ZMYM4: variants seen among roughly 807,000 people sequenced by gnomAD.
ZMYM4 encodes zinc finger MYM-type protein 4.
In ZMYM4, 31 loss-of-function variants were observed where a neutral mutation model predicts 183.2. That is an observed-to-expected ratio of 0.17 (90% CI 0.13 to 0.23). The LOEUF (loss-of-function observed/expected upper bound fraction) is 0.23. Ranked by LOEUF, ZMYM4 falls within the 10% of genes least tolerant of loss-of-function variation. ZMYM4 has a pLI of 1.00. For synonymous variants in ZMYM4, 592 were observed against 631.2 expected (o/e 0.94, Z 0.93); for missense variants, 1,273 against 1,840.3 (o/e 0.69, Z 5.64).
intron 7 of ZMYM4, among the ~76,000 whole-genome samples, chr1:35,377,233 G>A (rs559731205): frequency 6.6e-6 from 1 of 152,188 alleles, no homozygotes; most frequent in Admixed American, 6.5e-5. Context: ...TTTGACTAAG[G>A]GTTTCGTTAA....
At chr1:35,386,295 A>G (rs1334636024) in intron 11 of ZMYM4, 106 bp downstream of exon 11, 6 of 761,314 alleles carry the variant, frequency 7.9e-6, no homozygotes, top group Non-Finnish European at 1.2e-5. Flanking sequence ...TAATTTATAA[A>G]GAAAGAGGTT....
chr1:35,296,849 T>TTTTTC lies in ZMYM4; in HGVS notation c.39+27768_39+27769insCTTTT, dbSNP rs1557939802. On this transcript the variant is annotated intron_variant, in intron 1 of 29. Transcript: ENST00000314607. ...TCTTTTTCTTTCTTTCTTTCTTTTT[T>TTTTTC]TTTTTTTTTTTTTTTTGAGATGGGA... Among the ~76,000 whole-genome samples the TTTTTC allele has an allele frequency of 7.4e-3, 1,048 of 142,176 alleles. 19 individuals carry two copies. The highest frequency in any genetic ancestry group is 0.026 in the African/African-American group (1,006 of 38,090). 93.3% of individuals were successfully genotyped at this position (142,176 alleles called of 152,430 possible).
intron 1 of ZMYM4, among the ~76,000 whole-genome samples, chr1:35,275,074 T>G (rs1639803774): frequency 6.6e-6 from 1 of 152,234 alleles, no homozygotes; most frequent in Non-Finnish European, 1.5e-5. Context: ...TTAGGAATCA[T>G]TAAGTTAACT....
Position 35,397,231 on chromosome 1 carries a change from C to T in ZMYM4, c.3031-146C>T, listed in dbSNP as rs535903401. 27 of 1,095,948 alleles carry T rather than the reference C, an allele frequency of 2.5e-5. No individual in the cohort carries two copies. The East Asian group carries it at 7.2e-4, about 29-fold the overall frequency. 67.9% of individuals were successfully genotyped at this position (1,095,948 alleles called of 1,614,324 possible). On this transcript the variant is annotated intron_variant, in intron 19 of 29. Transcript: ENST00000314607. ...TTAAATGGCTCTAGTCTTATAAAAA[C>T]AAACTAGCAAGACTATTTTAATCAT...
intron 2 of ZMYM4, among the ~76,000 whole-genome samples, chr1:35,338,273 G>A (rs1353605537): frequency 6.6e-6 from 1 of 152,218 alleles, no homozygotes; most frequent in Non-Finnish European, 1.5e-5. Flanking sequence ...CTTTTGTGCA[G>A]TTGATCCTTG....
At chr1:35,334,014 A>C (rs1642867905) in intron 2 of ZMYM4, among the ~76,000 whole-genome samples, 2 of 151,698 alleles carry the variant, frequency 1.3e-5, no homozygotes, top group African/African-American at 4.9e-5. Context: ...GTTAGATTCC[A>C]AAGAGTAAGG....
chr1:35,408,241 T>G, intron 26 of ZMYM4, 82 bp downstream of exon 26: 1 of 1,511,972 alleles, frequency 6.6e-7, no homozygotes, highest in Non-Finnish European at 9.1e-7. Context: ...CATGCACATG[T>G]ACACACCCAG....
intron 28 of ZMYM4, 62 bp from the exon 29 acceptor site, chr1:35,418,381 C>T (rs1167646388): frequency 2.5e-6 from 4 of 1,570,908 alleles, no homozygotes; most frequent in Non-Finnish European, 3.5e-6. Context: ...TCATTGGTGT[C>T]TTGAGACTCA....
intron 2 of ZMYM4, among the ~76,000 whole-genome samples, chr1:35,341,015 T>C (rs574286102): frequency 6.6e-5 from 10 of 152,324 alleles, no homozygotes; most frequent in African/African-American, 2.2e-4. Flanking sequence ...CACTGAGATA[T>C]ATTTAAAGTT....
chr1:35,334,773 A>T (rs1308533511), intron 2 of ZMYM4, among the ~76,000 whole-genome samples: 1 of 152,096 alleles, frequency 6.6e-6, no homozygotes, highest in East Asian at 1.9e-4. Context: ...AGTTCTTTTG[A>T]TGGGGGCAGG....
chr1:35,396,503 C>T, intron 18 of ZMYM4, 49 bp from the exon 19 acceptor site: 1 of 1,600,050 alleles, frequency 6.2e-7, no homozygotes, highest in South Asian at 1.1e-5. Flanking sequence ...CTTATGAAAG[C>T]ATTTCTAACC....
intron 26 of ZMYM4, among the ~76,000 whole-genome samples, chr1:35,412,310 C>A (rs547198760): frequency 6.6e-6 from 1 of 152,186 alleles, no homozygotes; most frequent in East Asian, 1.9e-4. Context: ...TCTGTGTATT[C>A]TCTAAGATTT....
At chr1:35,289,103 G>A (rs1021551612) in intron 1 of ZMYM4, among the ~76,000 whole-genome samples, 3 of 152,180 alleles carry the variant, frequency 2.0e-5, no homozygotes, top group African/African-American at 7.2e-5. Context: ...ATTTTAGGTA[G>A]TGAAGAAAAC....
chr1:35,386,389 G>C (rs573646014), intron 11 of ZMYM4, among the ~76,000 whole-genome samples, 200 bp downstream of exon 11: 1 of 151,970 alleles, frequency 6.6e-6, no homozygotes, highest in East Asian at 1.9e-4. Flanking sequence ...GGAAGGCGAA[G>C]GGGAAGCCGG....
chr1:35,365,239 CTTTTTTTTTT>C (rs746304675), intron 5 of ZMYM4, among the ~76,000 whole-genome samples: 1 of 85,316 alleles, frequency 1.2e-5, no homozygotes, highest in Middle Eastern at 8.3e-3. Flanking sequence ...TAATCAAAGT[CTTTTTTTTTT>C]TTTTTTTTTT....
chr1:35,373,626 C>T (rs1410605179), intron 7 of ZMYM4, among the ~76,000 whole-genome samples: 14 of 151,230 alleles, frequency 9.3e-5, no homozygotes, highest in African/African-American at 3.4e-4. Flanking sequence ...AACTCCTGAC[C>T]TCCTGATCCA....
intron 5 of ZMYM4, among the ~76,000 whole-genome samples, chr1:35,365,311 C>A (rs1644047463): frequency 7.2e-6 from 1 of 138,458 alleles, no homozygotes; most frequent in African/African-American, 2.7e-5. Flanking sequence ...TTTAAAAATA[C>A]CAAGGGAAGG....
Position 35,281,751 on chromosome 1 carries a change from G to A in ZMYM4, c.39+12666G>A, listed in dbSNP as rs577998027. 8.6e-5 allele frequency among the ~76,000 whole-genome samples: 13 copies of A among 151,942 alleles called. 2 individuals are homozygous for A. The highest frequency in any genetic ancestry group is 2.7e-4 in the African/African-American group (11 of 41,436). On this transcript the variant is annotated intron_variant, in intron 1 of 29. Transcript: ENST00000314607. ...GCATTAAGTACATAAACAATATTGT[G>A]CAATCATTACCATTATTCATTTCAC...
chr1:35,293,839 T>C (rs1022387935), intron 1 of ZMYM4, among the ~76,000 whole-genome samples: 15 of 152,120 alleles, frequency 9.9e-5, no homozygotes, highest in Non-Finnish European at 2.9e-5. Context: ...AGCCTTCCAT[T>C]CTGTGGAATA....
Sources: gnomAD v4.1 joint callset for allele counts (sites outside exome capture counted in the v4.1 genomes callset) on GRCh38, gnomAD v4.1.1 for gene constraint, MANE v1.5 for transcripts, NCBI Gene and HGNC (gene_info 2026-07-23, HGNC 2026-07-21) for gene names.